IRAK2: variants seen among roughly 807,000 people sequenced by gnomAD.
The protein encoded by IRAK2 is interleukin-1 receptor-associated kinase-like 2.
In IRAK2, 57 loss-of-function variants were observed where a neutral mutation model predicts 72.0. The observed-to-expected ratio is 0.79, with a 90% CI of 0.64 to 0.99. The LOEUF is 0.99. Among genes scored for constraint, IRAK2 ranks in the 50% least tolerant of loss-of-function variants. The pLI, the probability that IRAK2 is intolerant of heterozygous loss-of-function variation, is 0.00. For missense variants in IRAK2, 790 were observed against 794.4 expected, an observed-to-expected ratio of 0.99 and a Z score of 0.07; for synonymous variants, 293 against 312.7, an observed-to-expected ratio of 0.94 and a Z score of 0.67.
intron 1 of IRAK2, among the ~76,000 whole-genome samples, chr3:10,168,221 T>C (rs1461928553): frequency 1.3e-5 from 2 of 151,768 alleles, no homozygotes; most frequent in Admixed American, 6.6e-5. Flanking sequence ...TTTAATTTTT[T>C]TTTTTTTGAG....
At position 10,241,975 on chromosome 3, in the gene IRAK2, T is replaced by TAAAAAACAAAGAAAAAA. The variant is rs1698067362; in HGVS notation, c.1766-135_1766-134insCAAAGAAAAAAAAAAAA. 32 of 361,370 alleles carry TAAAAAACAAAGAAAAAA rather than the reference T, an allele frequency of 8.9e-5. No individual in the cohort carries two copies. In the East Asian group the frequency reaches 1.3e-3, roughly 15 times the overall value. The allele number at this position is 361,370 out of a possible 1,614,324, so 22.4% of individuals were successfully genotyped here. ...GCAACAAAGTGAGACCCTGTCTCGATAAAAAAAAAAGAAAAAAAAAAAAAG... is the reference window on the plus strand; with the variant it reads ...GCAACAAAGTGAGACCCTGTCTCGATAAAAAACAAAGAAAAAAAAAAAAAAAAGAAAAAAAAAAAAAG... On this transcript the variant is annotated intron_variant, in intron 12 of 12. Transcript: ENST00000256458.
intron 2 of IRAK2, among the ~76,000 whole-genome samples, chr3:10,186,261 G>A (rs1358657400): frequency 6.6e-6 from 1 of 151,718 alleles, no homozygotes; most frequent in Non-Finnish European, 1.5e-5. Flanking sequence ...GGACTTGAGT[G>A]GAGCTGTAGG....
At chr3:10,169,249 C>A (rs1328750452) in intron 1 of IRAK2, among the ~76,000 whole-genome samples, 5 of 152,188 alleles carry the variant, frequency 3.3e-5, no homozygotes, top group African/African-American at 9.7e-5. Flanking sequence ...ACTGGGCACG[C>A]ATTGTCTTGA....
chr3:10,185,169 G>A lies in IRAK2; in HGVS notation c.277+7149G>A, dbSNP rs549306474. On this transcript the variant is annotated intron_variant, in intron 2 of 12. Coordinates refer to ENST00000256458, the MANE Select transcript of IRAK2 (RefSeq NM_001570.4). ...ACTTGTTAGAAACGCAAATTATTGG[G>A]CCCCACCTCATCTGCTGATTCGGAA... 1.5e-4 allele frequency among the ~76,000 whole-genome samples: 23 copies of A among 151,600 alleles called. No homozygotes were observed. In the East Asian group the frequency reaches 4.2e-3, roughly 28 times the overall value.
intron 7 of IRAK2, among the ~76,000 whole-genome samples, chr3:10,217,868 T>C (rs893568991): frequency 1.3e-5 from 2 of 152,152 alleles, no homozygotes; most frequent in African/African-American, 2.4e-5. Flanking sequence ...TGTATGCAGG[T>C]TGCTGTGATA....
At chr3:10,232,239 C>G (rs527468970) in intron 10 of IRAK2, among the ~76,000 whole-genome samples, 1 of 152,242 alleles carries the variant, frequency 6.6e-6, no homozygotes, top group African/African-American at 2.4e-5. Context: ...CCTATGTAGA[C>G]AGACTGTCTC....
chr3:10,224,998 T>A (rs553483530), intron 9 of IRAK2, among the ~76,000 whole-genome samples: 2 of 151,718 alleles, frequency 1.3e-5, no homozygotes, highest in East Asian at 4.0e-4. Flanking sequence ...AAGTCTTTGT[T>A]TATTCATTTC....
chr3:10,205,274 G>A (rs1455918724), intron 3 of IRAK2, among the ~76,000 whole-genome samples: 19 of 152,210 alleles, frequency 1.2e-4, no homozygotes, highest in Non-Finnish European at 2.8e-4. Flanking sequence ...GGCACGAGGA[G>A]CCAATCCGAT....
chr3:10,209,616 C>A lies in IRAK2; in HGVS notation c.452C>A (p.Pro151Gln). The A allele has an allele frequency of 6.4e-7, 1 of 1,567,404 alleles. No individual in the cohort carries two copies. The highest frequency in any genetic ancestry group is 2.5e-5 in the East Asian group (1 of 40,440). Residue 151 changes from proline to glutamine, a missense_variant, in exon 4 of 13, where the codon CCG (proline) becomes CAG (glutamine). Transcript: ENST00000256458. ...PGSSPARAHQ[P>Q]AFLQPPEEDA... is the part of the protein sequence containing the mutation. ...TCCTCTCCAGCCAGAGCCCACCAGC[C>A]GGCCTTTCTCCAGCCTCCTGAAGAA...
At chr3:10,195,343 G>T (rs569653471) in intron 2 of IRAK2, among the ~76,000 whole-genome samples, 7 of 152,300 alleles carry the variant, frequency 4.6e-5, no homozygotes, top group Non-Finnish European at 7.4e-5. Context: ...GATCACTGGG[G>T]CCTAGGAGTT....
At chr3:10,208,229 T>G (rs1482964049) in intron 3 of IRAK2, among the ~76,000 whole-genome samples, 1 of 152,028 alleles carries the variant, frequency 6.6e-6, no homozygotes, top group Non-Finnish European at 1.5e-5. Context: ...TTTCACCATC[T>G]GCAAAGAGGC....
intron 3 of IRAK2, among the ~76,000 whole-genome samples, chr3:10,201,793 A>T (rs1697364559): frequency 6.6e-6 from 1 of 152,000 alleles, no homozygotes; most frequent in Non-Finnish European, 1.5e-5. Flanking sequence ...TGAGCCAGAG[A>T]CCCCAAATCC....
intron 2 of IRAK2, among the ~76,000 whole-genome samples, chr3:10,199,884 CTTTTTTTTT>C (rs145377518): frequency 8.1e-6 from 1 of 124,104 alleles, no homozygotes; most frequent in Non-Finnish European, 1.6e-5. Flanking sequence ...AGCCACTGCT[CTTTTTTTTT>C]TTTTTTTTTT....
At chr3:10,203,298 C>T (rs1231638761) in intron 3 of IRAK2, among the ~76,000 whole-genome samples, 6 of 152,114 alleles carry the variant, frequency 3.9e-5, no homozygotes, top group African/African-American at 7.2e-5. Flanking sequence ...CACCCAGCCC[C>T]TATTTGCTTT....
rs142943648 is a variant in IRAK2, at chr3:10,239,693, C to T, written c.1765+654C>T. ...AGTGAGCCAAGATTGTGCCACTGCA[C>T]TGCAGCCTGGGCGACAGAACAAGAG... is the stretch of plus-strand genomic sequence containing the variant. On this transcript the variant is annotated intron_variant, in intron 12 of 12. Coordinates refer to ENST00000256458, the MANE Select transcript of IRAK2 (RefSeq NM_001570.4). 3.6e-3 allele frequency among the ~76,000 whole-genome samples: 554 copies of T among 152,016 alleles called. 4 individuals carry two copies. The highest frequency in any genetic ancestry group is 0.013 in the African/African-American group (518 of 41,436).
intron 1 of IRAK2, 62 bp from the exon 2 acceptor site, chr3:10,177,776 G>A (rs1696898701): frequency 1.3e-6 from 2 of 1,532,354 alleles, no homozygotes; most frequent in Non-Finnish European, 9.0e-7. Context: ...GGCTAGTGTG[G>A]GGACCTGTCC....
Position 10,173,985 on chromosome 3 carries a change from G to T in IRAK2, c.95-3853G>T, listed in dbSNP as rs140814290. Among the ~76,000 whole-genome samples, 265 of 152,306 alleles carry T rather than the reference G, an allele frequency of 1.7e-3. 3 individuals carry two copies. Among genetic ancestry groups the T allele is most frequent in the African/African-American group, 5.7e-3 (238 of 41,574 alleles). Reference sequence around the variant, plus strand: ...TACCATCACGAGTAAGGAAAGTTCAGCCCACAGAGAGTCAGGCTGTGGCTG... The same window carrying T: ...TACCATCACGAGTAAGGAAAGTTCATCCCACAGAGAGTCAGGCTGTGGCTG... On this transcript the variant is annotated intron_variant, in intron 1 of 12. Coordinates refer to ENST00000256458, the MANE Select transcript of IRAK2 (RefSeq NM_001570.4).
chr3:10,203,356 C>G (rs76172421), intron 3 of IRAK2, among the ~76,000 whole-genome samples: 6,981 of 152,276 alleles, frequency 0.046, 361 homozygotes, highest in African/African-American at 0.13. Flanking sequence ...AAGATGATAA[C>G]TACAATTTGC....
chr3:10,215,896 G>C (rs768027913), intron 6 of IRAK2, among the ~76,000 whole-genome samples: 1 of 152,178 alleles, frequency 6.6e-6, no homozygotes, highest in Non-Finnish European at 1.5e-5. Flanking sequence ...AATGTGGGTA[G>C]TTAAGCCCTT....
Sources: allele counts gnomAD v4.1 joint callset (sites outside exome capture counted in the v4.1 genomes callset), GRCh38; gene constraint gnomAD v4.1.1; transcripts MANE v1.5; gene names NCBI Gene and HGNC (gene_info 2026-07-23, HGNC 2026-07-21).